The following GLMN variants were observed in gnomAD, a reference collection of about 807,000 sequenced individuals.
The protein encoded by GLMN is glomulin.
Under a neutral mutation model 87.8 loss-of-function variants are expected in GLMN, and 75 were observed. The ratio of observed to expected loss-of-function variants is 0.85; its 90% CI spans 0.71 to 1.04. GLMN has a LOEUF of 1.04. Ranked by LOEUF, GLMN falls within the 50% of genes least tolerant of loss-of-function variation. The pLI is 0.00. For missense variants in GLMN, 588 were observed against 658.8 expected (o/e 0.89, Z 1.18); for synonymous variants, 206 against 221.6 (o/e 0.93, Z 0.63).
rs563604280 is a variant in GLMN, at chr1:92,258,817, A to G, written c.1473+4046T>C. On this transcript the variant is annotated intron_variant, in intron 16 of 18. Coordinates refer to ENST00000370360, the MANE Select transcript of GLMN (RefSeq NM_053274.3). ...TAATATAGATGGTGAGTTGATGGGT[A>G]CAGCAAACCACCATGGCACGTGTAT... Among the ~76,000 whole-genome samples the G allele has an allele frequency of 5.1e-4, 78 of 152,240 alleles. No homozygotes were observed. In the South Asian group the frequency reaches 8.1e-3, roughly 16 times the overall value.
the GLMN span, among the ~76,000 whole-genome samples, chr1:92,308,915 G>A: frequency 2.6e-5 from 4 of 151,980 alleles, no homozygotes; most frequent in African/African-American, 7.3e-5. Context: ...AGCCAAGATC[G>A]TGCTGCTGAA....
chr1:92,268,049 C>A (rs1655848930), intron 10 of GLMN, 47 bp from the exon 11 acceptor site: 1 of 1,369,704 alleles, frequency 7.3e-7, no homozygotes, highest in African/African-American at 1.4e-5. Context: ...AAGTCAACAG[C>A]TGTTATTTGT....
At chr1:92,328,242 A>C in the GLMN span, among the ~76,000 whole-genome samples, 1 of 152,136 alleles carries the variant, frequency 6.6e-6, no homozygotes, top group African/African-American at 2.4e-5. Flanking sequence ...TATTCCCTCA[A>C]ATATGTTTTC....
chr1:92,307,340 G>T, the GLMN span: 1 of 1,072,834 alleles, frequency 9.3e-7, no homozygotes, highest in Non-Finnish European at 1.4e-6. Flanking sequence ...TCTGCTTTTT[G>T]AGATTAGCTG....
the GLMN span, among the ~76,000 whole-genome samples, chr1:92,305,964 G>A: frequency 2.6e-5 from 4 of 152,006 alleles, no homozygotes; most frequent in Non-Finnish European, 2.9e-5. Context: ...TCTTACACAT[G>A]TACACCAGCA....
the GLMN span, among the ~76,000 whole-genome samples, chr1:92,346,922 A>G: frequency 2.6e-5 from 4 of 152,158 alleles, no homozygotes; most frequent in Non-Finnish European, 5.9e-5. Flanking sequence ...GGACATTGAA[A>G]ACTTACCAGA....
chr1:92,303,957 A>G (rs1333702830), upstream of GLMN: 1 of 1,519,446 alleles, frequency 6.6e-7, no homozygotes, highest in East Asian at 2.3e-5. Flanking sequence ...GGAGGAAATA[A>G]CCCTCTCATT....
intron 16 of GLMN, among the ~76,000 whole-genome samples, chr1:92,259,735 T>TC (rs1023141979): frequency 2.0e-4 from 26 of 130,156 alleles, no homozygotes; most frequent in Middle Eastern, 7.8e-3. Context: ...TTTCTTTCTT[T>TC]TTTTTTTTTT....
At chr1:92,356,414 C>T in the GLMN span, among the ~76,000 whole-genome samples, 1 of 151,876 alleles carries the variant, frequency 6.6e-6, no homozygotes, top group Admixed American at 6.6e-5. Context: ...ATAACATTTT[C>T]CTTTTTTTGT....
chr1:92,297,931 G>A (rs756142765), intron 2 of GLMN, 30 bp downstream of exon 2: 13 of 1,008,610 alleles, frequency 1.3e-5, no homozygotes, highest in South Asian at 5.1e-5. Context: ...ATTTTGAAAG[G>A]TATTTAATTT....
intron 6 of GLMN, among the ~76,000 whole-genome samples, chr1:92,288,034 C>CT (rs1227251811): frequency 1.4e-5 from 2 of 143,014 alleles, no homozygotes; most frequent in Non-Finnish European, 1.5e-5. Context: ...AGGTATTTTA[C>CT]TGTTTTTTTT....
At chr1:92,258,797 T>C (rs1224680163) in intron 16 of GLMN, among the ~76,000 whole-genome samples, 2 of 152,044 alleles carry the variant, frequency 1.3e-5, no homozygotes, top group Non-Finnish European at 2.9e-5. Context: ...ATACCTAATA[T>C]AGATGGTGAG....
intron 16 of GLMN, among the ~76,000 whole-genome samples, chr1:92,261,174 G>C (rs1373410578): frequency 6.6e-6 from 1 of 152,184 alleles, no homozygotes; most frequent in Non-Finnish European, 1.5e-5. Flanking sequence ...AGCTCCTTCA[G>C]GAATCAGGAT....
At chr1:92,316,610 A>G in the GLMN span, among the ~76,000 whole-genome samples, 1,053 of 152,362 alleles carry the variant, frequency 6.9e-3, 12 homozygotes, top group African/African-American at 0.024. Flanking sequence ...GCTTACAAGC[A>G]TTCTTTAACT....
chr1:92,312,653 C>G, the GLMN span, among the ~76,000 whole-genome samples: 1 of 152,138 alleles, frequency 6.6e-6, no homozygotes, highest in African/African-American at 2.4e-5. Context: ...TCAAGCTCCA[C>G]TTCTAATTCT....
At chr1:92,306,014 G>A in the GLMN span, among the ~76,000 whole-genome samples, 2 of 152,102 alleles carry the variant, frequency 1.3e-5, no homozygotes, top group African/African-American at 2.4e-5. Flanking sequence ...AAACAATGTC[G>A]TATATACACA....
At chr1:92,342,073 C>G in the GLMN span, among the ~76,000 whole-genome samples, 1 of 152,220 alleles carries the variant, frequency 6.6e-6, no homozygotes, top group Non-Finnish European at 1.5e-5. Context: ...ACACACAAAT[C>G]CCTTCACTCA....
rs1210761707 is a variant in GLMN, at chr1:92,247,961, A to G, written c.1502T>C (p.Ile501Thr). ...QTGLWTELGNIENNFLKPLHI... is the reference protein window; with the variant it reads ...QTGLWTELGNTENNFLKPLHI... Reference sequence around the variant, plus strand: ...AAGTGGCTTTAAGAAATTATTCTCAATATTTCCAAGTTCTGTCCATAATCC... The same window carrying G: ...AAGTGGCTTTAAGAAATTATTCTCAGTATTTCCAAGTTCTGTCCATAATCC... Residue 501 changes from isoleucine (I) to threonine (T), a missense_variant, in exon 17 of 19, where the codon ATT (isoleucine) becomes ACT (threonine). Coordinates refer to ENST00000370360, the MANE Select transcript of GLMN (RefSeq NM_053274.3). 3 of 1,346,830 alleles carry G rather than the reference A, an allele frequency of 2.2e-6. No individual in the cohort carries two copies. Among genetic ancestry groups the G allele is most frequent in the Non-Finnish European group, 3.2e-6 (3 of 937,886 alleles). The allele number at this position is 1,346,830 out of a possible 1,614,324, so 83.4% of individuals were successfully genotyped here.
the GLMN span, chr1:92,304,374 G>A: frequency 7.2e-7 from 1 of 1,387,998 alleles, no homozygotes; most frequent in Non-Finnish European, 9.9e-7. Context: ...TTTCATTGTG[G>A]CAATTAATTT....
Sources: gnomAD v4.1 joint callset for allele counts (sites outside exome capture counted in the v4.1 genomes callset) on GRCh38, gnomAD v4.1.1 for gene constraint, MANE v1.5 for transcripts, NCBI Gene and HGNC (gene_info 2026-07-23, HGNC 2026-07-21) for gene names.